Variants in SDK2 observed in about 807,000 individuals in gnomAD.
SDK2 encodes the protein sidekick cell adhesion molecule 2, also known as protein sidekick-2.
Under a neutral mutation model 253.9 loss-of-function variants are expected in SDK2, and 105 were observed. The ratio of observed to expected loss-of-function variants is 0.41; its 90% confidence interval spans 0.35 to 0.49. The LOEUF is 0.49. Ranked by LOEUF, SDK2 falls within the 20% of genes least tolerant of loss-of-function variation. SDK2 has a pLI of 0.06. For missense variants in SDK2, 2,608 were observed against 3,003.0 expected (o/e 0.87, Z 3.07); for synonymous variants, 1,249 against 1,234.9 (o/e 1.01, Z -0.24).
At chr17:73,346,635 C>T (rs1478557758) in intron 44 of SDK2, among the ~76,000 whole-genome samples, 2 of 152,204 alleles carry the variant, frequency 1.3e-5, no homozygotes, top group Non-Finnish European at 1.5e-5. Flanking sequence ...GCCTTTCTCA[C>T]ATCACATCAT....
chr17:73,401,260 G>C (rs1325535618), intron 20 of SDK2, 49 bp from the exon 21 acceptor site: 1 of 1,482,172 alleles, frequency 6.7e-7, no homozygotes, highest in Non-Finnish European at 9.1e-7. Context: ...ATCACAAGTT[G>C]GCCTGACCCA....
intron 2 of SDK2, among the ~76,000 whole-genome samples, chr17:73,479,244 G>A (rs1351547642): frequency 6.6e-6 from 1 of 152,232 alleles, no homozygotes; most frequent in East Asian, 1.9e-4. Context: ...AACAGCAGTG[G>A]GCCACTGAGC....
intron 36 of SDK2, among the ~76,000 whole-genome samples, chr17:73,370,306 G>A (rs748010885): frequency 6.6e-6 from 1 of 152,104 alleles, no homozygotes; most frequent in Non-Finnish European, 1.5e-5. Flanking sequence ...GCAGTGGCAC[G>A]ATCACAGCTC....
intron 1 of SDK2, among the ~76,000 whole-genome samples, chr17:73,626,127 C>G (rs1054060616): frequency 1.1e-4 from 16 of 152,228 alleles, no homozygotes; most frequent in Non-Finnish European, 2.1e-4. Context: ...CAGCGGGAGC[C>G]TGGCAGGCTG....
chr17:73,431,492 GCA>G lies in SDK2; in HGVS notation c.1480+8_1480+9del, dbSNP rs1164850702. The G allele has an allele frequency of 2.5e-6, 4 of 1,607,394 alleles. No individual in the cohort carries two copies. In the African/African-American group the frequency reaches 4.0e-5, roughly 16 times the overall value. ...CAAATGTATAAAGCCCTGTGGCTCTGCACACTCACCCCAAACGACTAGGTCTG... is the reference window on the plus strand; with the variant it reads ...CAAATGTATAAAGCCCTGTGGCTCTGCACTCACCCCAAACGACTAGGTCTG... On this transcript the variant is annotated splice_region_variant and intron_variant, in intron 11 of 44. Transcript: ENST00000392650. The surrounding 1 kb of genome is among the most constrained non-coding windows in gnomAD (Gnocchi z 5.6).
intron 1 of SDK2, among the ~76,000 whole-genome samples, chr17:73,528,384 C>A (rs1315411377): frequency 6.6e-6 from 1 of 152,182 alleles, no homozygotes; most frequent in African/African-American, 2.4e-5. Context: ...TTGCAATGTG[C>A]CAGGTTGTCC....
In SDK2 at chr17:73,447,596, C is replaced by T. The variant is rs989795116; in HGVS notation, c.613+19G>A. On this transcript the variant is annotated intron_variant, in intron 5 of 44. Coordinates refer to ENST00000392650, the MANE Select transcript of SDK2 (RefSeq NM_001144952.2). The surrounding 1 kb of genome is among the most constrained non-coding windows in gnomAD (Gnocchi z 4.0). ...TAATGGCCCGCTCCAAGATCGGTCC[C>T]GGCCCTGTGCGTACTTACTCTCCAC... The T allele has an allele frequency of 1.3e-5, 20 of 1,551,726 alleles. No individual in the cohort carries two copies. Among genetic ancestry groups the T allele is most frequent in the African/African-American group, 6.8e-5 (5 of 73,054 alleles).
At chr17:73,403,642 C>T (rs2063047266) in intron 18 of SDK2, among the ~76,000 whole-genome samples, 1 of 152,216 alleles carries the variant, frequency 6.6e-6, no homozygotes, top group South Asian at 2.1e-4. Flanking sequence ...TCCCGGTTAA[C>T]TCATGCCTAT....
rs1227262762 is a variant in SDK2, at chr17:73,483,661, GTATATATATATATATATATATTTA to G, written c.225-11467_225-11444del. ...TATATATGTGTGTGTGTGTGTGTGT[GTATATATATATATATATATATTTA>G]TATATATATATATATATATATATTT... On this transcript the variant is annotated intron_variant, in intron 2 of 44. Coordinates refer to ENST00000392650, the MANE Select transcript of SDK2 (RefSeq NM_001144952.2). Among the ~76,000 whole-genome samples, 4 of 70,182 alleles carry G rather than the reference GTATATATATATATATATATATTTA, an allele frequency of 5.7e-5. 1 individual carries two copies. The highest frequency in any genetic ancestry group is 2.5e-4 in the African/African-American group (4 of 16,054). 46.0% of individuals were successfully genotyped at this position (70,182 alleles called of 152,430 possible).
chr17:73,631,225 CG>C (rs2046265880), intron 1 of SDK2, among the ~76,000 whole-genome samples: 1 of 152,214 alleles, frequency 6.6e-6, no homozygotes, highest in African/African-American at 2.4e-5. Context: ...GAACTCCCCT[CG>C]GCCCTCCTTG....
intron 18 of SDK2, among the ~76,000 whole-genome samples, chr17:73,406,246 C>CTTTTTTT (rs56122304): frequency 1.4e-5 from 2 of 139,824 alleles, no homozygotes; most frequent in Non-Finnish European, 1.5e-5. Flanking sequence ...CTACTACACT[C>CTTTTTTT]TTTTTTTTTT....
chr17:73,528,218 C>T (rs1360100365), intron 1 of SDK2, among the ~76,000 whole-genome samples: 1 of 152,156 alleles, frequency 6.6e-6, no homozygotes, highest in Non-Finnish European at 1.5e-5. Context: ...TTTCAAAATT[C>T]CCAGAGAGAC....
intron 12 of SDK2, among the ~76,000 whole-genome samples, chr17:73,429,228 A>C (rs1192295858): frequency 6.6e-6 from 1 of 152,204 alleles, no homozygotes; most frequent in African/African-American, 2.4e-5. Context: ...GCAGTATTCT[A>C]TGTGGGTTCT....
At chr17:73,505,294 T>A (rs969757956) in intron 2 of SDK2, among the ~76,000 whole-genome samples, 17 of 152,236 alleles carry the variant, frequency 1.1e-4, no homozygotes, top group Non-Finnish European at 5.9e-5. Context: ...ACCATCTGAC[T>A]TTAGGTGATG....
intron 40 of SDK2, among the ~76,000 whole-genome samples, chr17:73,353,433 G>A (rs532048004): frequency 2.6e-4 from 39 of 152,036 alleles, no homozygotes; most frequent in African/African-American, 9.2e-4. Flanking sequence ...TTTTTTCTTT[G>A]TTTCGAGACA....
At position 73,549,995 on chromosome 17, in the gene SDK2, G is replaced by A. The variant is rs116115691; in HGVS notation, c.65-42398C>T. ...CCGCCGGGGGTGCATAGAGGCAGAT[G>A]CATGCAAGACACTAATGCACCCCTC... On this transcript the variant is annotated intron_variant, in intron 1 of 44. Coordinates refer to ENST00000392650, the MANE Select transcript of SDK2 (RefSeq NM_001144952.2). Among the ~76,000 whole-genome samples, 1,360 of 152,264 alleles carry A rather than the reference G, an allele frequency of 8.9e-3. 19 individuals carry two copies. Among genetic ancestry groups the A allele is most frequent in the African/African-American group, 0.031 (1,297 of 41,548 alleles).
chr17:73,495,656 A>ATGTG (rs369167527), intron 2 of SDK2, among the ~76,000 whole-genome samples: 2 of 133,020 alleles, frequency 1.5e-5, no homozygotes, highest in Admixed American at 7.3e-5. Context: ...TTGTTTGTGT[A>ATGTG]TGTGTGTGTG....
chr17:73,372,442 C>T (rs564892729), intron 36 of SDK2, among the ~76,000 whole-genome samples: 2 of 152,296 alleles, frequency 1.3e-5, no homozygotes, highest in East Asian at 3.9e-4. Context: ...TCAATATCTG[C>T]TGGATGAATA....
chr17:73,548,175 T>C lies in SDK2; in HGVS notation c.65-40578A>G, dbSNP rs190434283. ...CCCTATCAATGGCCCAATTTACAGA[T>C]TGAGGAAACTGAGGTTGAGAGGTTA... On this transcript the variant is annotated intron_variant, in intron 1 of 44. Coordinates refer to ENST00000392650, the MANE Select transcript of SDK2 (RefSeq NM_001144952.2). Among the ~76,000 whole-genome samples, 30 of 152,216 alleles carry C rather than the reference T, an allele frequency of 2.0e-4. No homozygotes were observed. The East Asian group carries it at 5.4e-3, about 27-fold the overall frequency.
Sources: gnomAD v4.1 joint callset for allele counts (sites outside exome capture counted in the v4.1 genomes callset) on GRCh38, gnomAD v4.1.1 for gene constraint, Gnocchi (gnomAD v3.1) non-coding constraint, MANE v1.5 for transcripts, NCBI Gene and HGNC (gene_info 2026-07-23, HGNC 2026-07-21) for gene names.